The following NLGN1 variants were observed in gnomAD, a reference collection of about 807,000 sequenced individuals.
The protein encoded by NLGN1 is neuroligin 1.
Under a neutral mutation model 65.5 loss-of-function variants are expected in NLGN1, and 12 were observed. The observed-to-expected ratio is 0.18, with a 90% CI of 0.12 to 0.30. The LOEUF (loss-of-function observed/expected upper bound fraction) is 0.30, where lower values mean the gene tolerates loss of function less well. NLGN1 is among the 10% of genes least tolerant of loss of function. NLGN1 has a pLI of 1.00. For missense variants in NLGN1, 750 were observed against 1,007.1 expected, an observed-to-expected ratio of 0.74 and a Z score of 3.46; for synonymous variants, 350 against 359.5, an observed-to-expected ratio of 0.97 and a Z score of 0.30.
chr3:173,652,018 T>C (rs1469841686), intron 3 of NLGN1, among the ~76,000 whole-genome samples: 5 of 152,204 alleles, frequency 3.3e-5, no homozygotes, highest in Non-Finnish European at 7.3e-5. Context: ...GGTTTCAAAC[T>C]CCTGACATCA....
chr3:174,200,017 T>C (rs113930184), intron 4 of NLGN1, among the ~76,000 whole-genome samples: 67 of 152,108 alleles, frequency 4.4e-4, no homozygotes, highest in African/African-American at 1.6e-3. Context: ...CTCTGGAGAG[T>C]AGATTTAACA....
At chr3:173,850,020 G>A (rs1726588175) in intron 4 of NLGN1, among the ~76,000 whole-genome samples, 2 of 151,950 alleles carry the variant, frequency 1.3e-5, no homozygotes, top group African/African-American at 4.8e-5. Flanking sequence ...GATTTCATAT[G>A]AAAGTAATAT....
chr3:173,583,541 A>G (rs1052009937), intron 2 of NLGN1, among the ~76,000 whole-genome samples: 1 of 152,186 alleles, frequency 6.6e-6, no homozygotes, highest in Non-Finnish European at 1.5e-5. Flanking sequence ...AGTGTCTTGG[A>G]CTGCTTGCAG....
At chr3:173,762,245 T>C (rs946367599) in intron 3 of NLGN1, among the ~76,000 whole-genome samples, 1 of 152,112 alleles carries the variant, frequency 6.6e-6, no homozygotes, top group Non-Finnish European at 1.5e-5. Context: ...TGTTCTCCGA[T>C]ATGCAAACAC....
intron 3 of NLGN1, among the ~76,000 whole-genome samples, chr3:173,630,999 G>A (rs1330624455): frequency 1.3e-5 from 2 of 152,156 alleles, no homozygotes; most frequent in African/African-American, 4.8e-5. Flanking sequence ...AAGAGAGCGA[G>A]AAGGCAAGTT....
At chr3:174,176,115 T>G (rs1220983531) in intron 4 of NLGN1, among the ~76,000 whole-genome samples, 1 of 151,934 alleles carries the variant, frequency 6.6e-6, no homozygotes, top group Non-Finnish European at 1.5e-5. Context: ...GAAATCAGGC[T>G]TGTTGAATAC....
intron 4 of NLGN1, among the ~76,000 whole-genome samples, chr3:174,055,714 A>T (rs1002868248): frequency 6.6e-6 from 1 of 152,060 alleles, no homozygotes; most frequent in Non-Finnish European, 1.5e-5. Context: ...CACACAAGCA[A>T]CATGAAACCA....
intron 4 of NLGN1, among the ~76,000 whole-genome samples, chr3:174,006,763 A>G (rs1375195792): frequency 1.3e-5 from 2 of 152,114 alleles, no homozygotes; most frequent in Admixed American, 6.6e-5. Flanking sequence ...ATCTGACTGC[A>G]TTCTTATAAG....
At chr3:174,026,559 T>A in intron 4 of NLGN1, among the ~76,000 whole-genome samples, 1 of 152,146 alleles carries the variant, frequency 6.6e-6, no homozygotes, top group Non-Finnish European at 1.5e-5. Context: ...TAAAAGCAGA[T>A]GAACACACAA....
rs9825397 is a variant in NLGN1 at position 174,241,420 on chromosome 3, G to A, written c.647-33895G>A. 8.8e-3 allele frequency among the ~76,000 whole-genome samples: 1,329 copies of A among 151,322 alleles called. 19 individuals are homozygous for A. Among genetic ancestry groups the A allele is most frequent in the African/African-American group, 0.031 (1,265 of 41,256 alleles). On this transcript the variant is annotated intron_variant, in intron 4 of 6. Coordinates refer to ENST00000457714, the Ensembl canonical transcript of NLGN1. ...AGTAGAGATATGGATGCCCAATTAGGTGTGTTGACCTTGGACTTCTGAGCC... is the reference window on the plus strand; with the variant it reads ...AGTAGAGATATGGATGCCCAATTAGATGTGTTGACCTTGGACTTCTGAGCC...
At chr3:174,129,560 A>T (rs948840383) in intron 4 of NLGN1, among the ~76,000 whole-genome samples, 2 of 152,154 alleles carry the variant, frequency 1.3e-5, no homozygotes, top group Non-Finnish European at 2.9e-5. Context: ...TTGGGTTAAG[A>T]TGGGGTTGTT....
chr3:174,277,126 C>T (rs1270690490), intron 5 of NLGN1, among the ~76,000 whole-genome samples: 1 of 151,848 alleles, frequency 6.6e-6, no homozygotes, highest in Non-Finnish European at 1.5e-5. Context: ...ATCTGTCTAT[C>T]CCTGGAAAAA....
intron 4 of NLGN1, among the ~76,000 whole-genome samples, chr3:174,177,716 T>C (rs1270362852): frequency 6.6e-6 from 1 of 152,136 alleles, no homozygotes; most frequent in Non-Finnish European, 1.5e-5. Context: ...TATATGCATA[T>C]AGTCAAAATA....
chr3:173,623,506 G>A (rs1754345750), intron 3 of NLGN1, among the ~76,000 whole-genome samples: 1 of 152,122 alleles, frequency 6.6e-6, no homozygotes, highest in Non-Finnish European at 1.5e-5. Flanking sequence ...GGTCACTATG[G>A]AAGGAGAGAA....
intron 4 of NLGN1, among the ~76,000 whole-genome samples, chr3:174,094,364 T>C (rs1745070683): frequency 6.6e-6 from 1 of 152,204 alleles, no homozygotes; most frequent in Non-Finnish European, 1.5e-5. Context: ...TAGAGCGAGC[T>C]TGTCCAACCC....
At chr3:173,914,721 T>C (rs1740387620) in intron 4 of NLGN1, among the ~76,000 whole-genome samples, 1 of 152,072 alleles carries the variant, frequency 6.6e-6, no homozygotes, top group Non-Finnish European at 1.5e-5. Context: ...AAAACCAACA[T>C]GAATCAATAA....
intron 4 of NLGN1, among the ~76,000 whole-genome samples, chr3:173,907,416 T>C (rs1056977635): frequency 5.3e-5 from 8 of 152,068 alleles, no homozygotes; most frequent in African/African-American, 1.9e-4. Flanking sequence ...TACAGAGAAT[T>C]TTTTCAGAGT....
At chr3:174,193,821 C>T (rs904223267) in intron 4 of NLGN1, among the ~76,000 whole-genome samples, 3 of 152,180 alleles carry the variant, frequency 2.0e-5, no homozygotes, top group African/African-American at 7.2e-5. Context: ...ATTTTCATTA[C>T]AAATTCTTCT....
Position 173,616,590 on chromosome 3 carries a change from G to A in NLGN1, c.493+11499G>A, listed in dbSNP as rs375189583. Among the ~76,000 whole-genome samples, 23 of 152,218 alleles carry A rather than the reference G, an allele frequency of 1.5e-4. 1 individual carries two copies. The highest frequency in any genetic ancestry group is 3.4e-3 in the Middle Eastern group (1 of 294). ...CTATAGAAGCCAACCCTCCCGACAT[G>A]AGGAGACCTTTCAGGGCTGTGTACA... On this transcript the variant is annotated intron_variant, in intron 3 of 6. Transcript: ENST00000457714.
Sources: allele counts gnomAD v4.1 joint callset (sites outside exome capture counted in the v4.1 genomes callset), GRCh38; gene constraint gnomAD v4.1.1; transcripts MANE v1.5; gene names NCBI Gene and HGNC (gene_info 2026-07-23, HGNC 2026-07-21).